Variants in GASK1A observed in about 807,000 individuals in gnomAD.
The protein encoded by GASK1A is golgi associated kinase 1A, also known as Golgi-associated kinase 1A.
A neutral mutation model predicts 41.2 loss-of-function variants in GASK1A; 40 were observed. The observed-to-expected ratio is 0.97, with a 90% CI of 0.75 to 1.27. GASK1A has a LOEUF of 1.27. Ranked by LOEUF, GASK1A falls within the 50% of genes most tolerant of loss-of-function variation. GASK1A has a pLI of 0.00. For missense variants in GASK1A, 678 were observed against 745.1 expected, an observed-to-expected ratio of 0.91 and a Z score of 1.05; for synonymous variants, 316 against 307.1, an observed-to-expected ratio of 1.03 and a Z score of -0.30.
chr3:43,032,068 A>G (rs909061963), intron 1 of GASK1A, among the ~76,000 whole-genome samples, 199 bp from the exon 2 acceptor site: 2 of 152,220 alleles, frequency 1.3e-5, no homozygotes, highest in Non-Finnish European at 1.5e-5. Flanking sequence ...AAAGCAAGCC[A>G]AGCTTGAAAA....
At chr3:43,032,184 T>G in intron 1 of GASK1A, 83 bp from the exon 2 acceptor site, 1 of 1,133,218 alleles carries the variant, frequency 8.8e-7, no homozygotes, top group South Asian at 1.7e-5. Flanking sequence ...GAGCACCTCA[T>G]TTGCTTACCA....
intron 1 of GASK1A, among the ~76,000 whole-genome samples, chr3:43,005,484 G>A (rs1427129323): frequency 6.6e-6 from 1 of 152,174 alleles, no homozygotes; most frequent in African/African-American, 2.4e-5. Flanking sequence ...TATTCACACT[G>A]CAGATGCTCT....
intron 1 of GASK1A, among the ~76,000 whole-genome samples, chr3:42,987,546 T>C (rs1407548967): frequency 6.6e-6 from 1 of 152,204 alleles, no homozygotes; most frequent in African/African-American, 2.4e-5. Flanking sequence ...AAAATGATCA[T>C]ATATAGAAGT....
chr3:43,055,592 T>G (rs2125693619), intron 4 of GASK1A, 57 bp downstream of exon 4: 1 of 1,283,000 alleles, frequency 7.8e-7, no homozygotes, highest in Non-Finnish European at 1.1e-6. Context: ...ATGGCCTTGC[T>G]GCAAACCTTG....
intron 2 of GASK1A, among the ~76,000 whole-genome samples, chr3:43,039,691 A>T (rs2089625805): frequency 1.3e-5 from 2 of 152,004 alleles, no homozygotes; most frequent in South Asian, 4.2e-4. Context: ...GGCCCCTGTG[A>T]CTGTTGTTCC....
At chr3:42,986,325 G>A (rs993805331) in intron 1 of GASK1A, among the ~76,000 whole-genome samples, 1 of 152,176 alleles carries the variant, frequency 6.6e-6, no homozygotes, top group Non-Finnish European at 1.5e-5. Context: ...GGGGTAGAGA[G>A]GCTGTGATTA....
intron 2 of GASK1A, among the ~76,000 whole-genome samples, chr3:43,047,701 T>C (rs899994379): frequency 1.3e-5 from 2 of 152,164 alleles, no homozygotes; most frequent in Non-Finnish European, 1.5e-5. Flanking sequence ...AGGAAACATA[T>C]TCCCACAGCA....
At chr3:42,988,511 A>T (rs941545045) in intron 1 of GASK1A, among the ~76,000 whole-genome samples, 1 of 152,208 alleles carries the variant, frequency 6.6e-6, no homozygotes, top group African/African-American at 2.4e-5. Context: ...AGGGAGAGAA[A>T]AACGAGAAGA....
At chr3:43,007,162 A>G (rs2089440725) in intron 1 of GASK1A, among the ~76,000 whole-genome samples, 1 of 152,206 alleles carries the variant, frequency 6.6e-6, no homozygotes, top group Non-Finnish European at 1.5e-5. Flanking sequence ...CTAGTGGGTG[A>G]TCTCATCAAA....
At chr3:43,042,305 CAAAAAAAAA>C (rs61149633) in intron 2 of GASK1A, among the ~76,000 whole-genome samples, 5 of 132,152 alleles carry the variant, frequency 3.8e-5, no homozygotes, top group Admixed American at 7.4e-5. Context: ...CTTGTCCCTA[CAAAAAAAAA>C]AAAAAAAAAA....
intron 1 of GASK1A, among the ~76,000 whole-genome samples, chr3:42,989,573 G>A (rs954352574): frequency 1.3e-5 from 2 of 151,336 alleles, no homozygotes; most frequent in African/African-American, 4.9e-5. Flanking sequence ...AATTGTAAGA[G>A]CAATACCTGT....
Position 42,982,734 on chromosome 3 carries a change from G to A in GASK1A, c.3+3089G>A, listed in dbSNP as rs78394981. On this transcript the variant is annotated intron_variant, in intron 1 of 4. Transcript: ENST00000430121. The stretch of plus-strand genomic sequence containing the variant: ...AAAATTCACAAGAATGAATTGCTCC[G>A]GCCTCTTTCTCTATCCAAGCTCTTA... 1.6e-3 allele frequency among the ~76,000 whole-genome samples: 236 copies of A among 152,254 alleles called. 3 individuals carry two copies. The East Asian group carries it at 0.032, about 21-fold the overall frequency.
rs1261044035 is a variant in GASK1A at position 43,057,183 on chromosome 3, G to A, written c.*797G>A. On this transcript the variant is annotated 3_prime_UTR_variant, in exon 5 of 5. Coordinates refer to ENST00000430121, the MANE Select transcript of GASK1A (RefSeq NM_001129908.3). ...GTGACTGCATGAAATTCCAAGGCAG[G>A]GATGTGTCATATTTTCTTTAGCTGG... 6.6e-6 allele frequency: 1 copy of A among 152,166 alleles called. No individual in the cohort carries two copies. Among genetic ancestry groups the A allele is most frequent in the East Asian group, 1.9e-4 (1 of 5,200 alleles). 9.4% of individuals were successfully genotyped at this position (152,166 alleles called of 1,614,324 possible).
chr3:43,014,463 A>C (rs561396863), intron 1 of GASK1A, among the ~76,000 whole-genome samples: 1 of 150,324 alleles, frequency 6.7e-6, no homozygotes, highest in African/African-American at 2.4e-5. Flanking sequence ...AGGAAGAGGC[A>C]GTGTGAAGCC....
At chr3:43,047,318 T>G (rs1228325012) in intron 2 of GASK1A, among the ~76,000 whole-genome samples, 1 of 152,234 alleles carries the variant, frequency 6.6e-6, no homozygotes, top group Non-Finnish European at 1.5e-5. Flanking sequence ...GAGAATGGAC[T>G]AATACAGGTG....
chr3:42,987,976 G>T (rs899857414), intron 1 of GASK1A, among the ~76,000 whole-genome samples: 1 of 98,188 alleles, frequency 1.0e-5, no homozygotes, highest in African/African-American at 4.1e-5. Flanking sequence ...TCCAGCCTCG[G>T]CGACAGAGCG....
intron 1 of GASK1A, among the ~76,000 whole-genome samples, chr3:43,026,827 T>G (rs1436867932): frequency 6.6e-6 from 1 of 151,926 alleles, no homozygotes; most frequent in Non-Finnish European, 1.5e-5. Context: ...TAAAATAAAG[T>G]CATGGAATGG....
intron 2 of GASK1A, among the ~76,000 whole-genome samples, chr3:43,033,923 G>A (rs544302029): frequency 3.3e-5 from 5 of 152,204 alleles, no homozygotes; most frequent in South Asian, 2.1e-4. Flanking sequence ...TTGCAGCTTC[G>A]TGACTATATA....
intron 1 of GASK1A, among the ~76,000 whole-genome samples, chr3:43,016,951 G>C (rs1045805853): frequency 6.6e-6 from 1 of 151,810 alleles, no homozygotes; most frequent in Admixed American, 6.6e-5. Flanking sequence ...GTCCCAGAAA[G>C]GGGCTGTGTG....
Sources: gnomAD v4.1 joint callset for allele counts (sites outside exome capture counted in the v4.1 genomes callset) on GRCh38, gnomAD v4.1.1 for gene constraint, MANE v1.5 for transcripts, NCBI Gene and HGNC (gene_info 2026-07-23, HGNC 2026-07-21) for gene names.